Variants in RBM20 observed in about 807,000 individuals in gnomAD.
RBM20 encodes RNA-binding protein 20.
A neutral mutation model predicts 110.1 loss-of-function variants in RBM20; 51 were observed. The ratio of observed to expected loss-of-function variants is 0.46; its 90% CI spans 0.37 to 0.59. The LOEUF is 0.59. Among genes scored for constraint, RBM20 ranks in the 20% least tolerant of loss-of-function variants. The pLI is 0.00. For synonymous variants in RBM20, 589 were observed against 618.2 expected (o/e 0.95, Z 0.70); for missense variants, 1,512 against 1,574.9 (o/e 0.96, Z 0.68).
intron 1 of RBM20, among the ~76,000 whole-genome samples, chr10:110,679,144 G>C (rs886126677): frequency 1.3e-5 from 2 of 152,176 alleles, no homozygotes; most frequent in African/African-American, 2.4e-5. Flanking sequence ...TAGGATGAAG[G>C]CTGTATAAAG....
intron 9 of RBM20, among the ~76,000 whole-genome samples, chr10:110,816,317 C>T (rs1481127297): frequency 1.3e-5 from 2 of 150,240 alleles, no homozygotes; most frequent in Non-Finnish European, 3.0e-5. Context: ...CCTCACCTCC[C>T]CCGACACTAC....
chr10:110,725,989 C>T (rs1843556354), intron 1 of RBM20, among the ~76,000 whole-genome samples: 1 of 151,758 alleles, frequency 6.6e-6, no homozygotes, highest in African/African-American at 2.4e-5. Context: ...AGATGGACCC[C>T]ATCCCCATCT....
At position 110,838,133 on chromosome 10, in the gene RBM20, G is replaced by A. The variant is rs1422138439; in HGVS notation, c.*2155G>A. The A allele has an allele frequency of 6.6e-6, 1 of 152,274 alleles. No individual in the cohort carries two copies. The highest frequency in any genetic ancestry group is 2.4e-5 in the African/African-American group (1 of 41,538). 9.4% of individuals were successfully genotyped at this position (152,274 alleles called of 1,614,324 possible). A position where few individuals can be genotyped will look rare whatever the true frequency, so the allele number is the denominator to read the frequency against. ...ATGACCAGTCTGGTTTTTGTTCTTT[G>A]TGTCTGCTTTCCTCAGCCCTTTTCT... On this transcript the variant is annotated 3_prime_UTR_variant, in exon 14 of 14. Coordinates refer to ENST00000369519, the MANE Select transcript of RBM20 (RefSeq NM_001134363.3).
chr10:110,770,544 C>A (rs12263955), intron 1 of RBM20, among the ~76,000 whole-genome samples: 3,527 of 152,264 alleles, frequency 0.023, 139 homozygotes, highest in African/African-American at 0.08. Flanking sequence ...TCTTCCTCCC[C>A]CACTGGCCCA....
At chr10:110,829,644 G>T (rs2031128) in intron 12 of RBM20, among the ~76,000 whole-genome samples, 14,467 of 152,108 alleles carry the variant, frequency 0.095, 956 homozygotes, top group Non-Finnish European at 0.15. Flanking sequence ...GACAAGTCTA[G>T]GCTGCTTCCT....
chr10:110,797,603 C>T lies in RBM20; in HGVS notation c.1623C>T (p.Pro541=). ...TENDVINLGL[P]FGKVTNYILM... is the part of the protein sequence containing the mutation. ...ATGACGTCATTAACCTGGGGCTGCC[C>T]TTTGGAAAGGTCACTAATTACATCC... The change falls in exon 6 of 14, where the codon CCC becomes CCT. Residue 541 remains proline, a synonymous_variant. Transcript: ENST00000369519. The T allele has an allele frequency of 6.4e-7, 1 of 1,551,744 alleles. No individual in the cohort carries two copies. The highest frequency in any genetic ancestry group is 2.4e-5 in the East Asian group (1 of 40,918).
intron 1 of RBM20, among the ~76,000 whole-genome samples, chr10:110,653,730 A>AT (rs1564806512): frequency 6.6e-6 from 1 of 151,824 alleles, no homozygotes; most frequent in Non-Finnish European, 1.5e-5. Context: ...TAATTTTTGT[A>AT]TTTTTTGTAG....
At chr10:110,767,166 AC>A (rs1156789977) in intron 1 of RBM20, among the ~76,000 whole-genome samples, 7 of 57,512 alleles carry the variant, frequency 1.2e-4, no homozygotes, top group South Asian at 6.5e-4. Flanking sequence ...CGGGGGGCTG[AC>A]CCCCCCCACC....
chr10:110,656,099 G>A (rs535022044), intron 1 of RBM20, among the ~76,000 whole-genome samples: 5 of 152,132 alleles, frequency 3.3e-5, no homozygotes, highest in Admixed American at 3.3e-4. Context: ...TCAGGAGTTC[G>A]AGACCAGCCT....
At chr10:110,668,470 G>T (rs1324492483) in intron 1 of RBM20, among the ~76,000 whole-genome samples, 1 of 152,116 alleles carries the variant, frequency 6.6e-6, no homozygotes, top group African/African-American at 2.4e-5. Context: ...TTTCTAGGGG[G>T]CTCCAATTTA....
chr10:110,653,775 C>T (rs983815435), intron 1 of RBM20, among the ~76,000 whole-genome samples: 3 of 152,160 alleles, frequency 2.0e-5, no homozygotes, highest in South Asian at 4.1e-4. Context: ...AGGTTGGTCT[C>T]GAACTCCTGG....
In RBM20 at chr10:110,821,845, G is replaced by T. The variant is rs780673583; in HGVS notation, c.3226G>T (p.Ala1076Ser). 40 of 1,551,638 alleles carry T rather than the reference G, an allele frequency of 2.6e-5. No homozygotes were observed. The highest frequency in any genetic ancestry group is 3.9e-5 in the Admixed American group (2 of 50,990). ...CKTRGTPEDG[A>S]CEGSPLEEKA... is the part of the protein sequence containing the mutation. ...GACCAGGGGGACCCCCGAAGATGGGGCTTGTGAAGGCAGCCCCCTGGAGGA... is the reference window on the plus strand; with the variant it reads ...GACCAGGGGGACCCCCGAAGATGGGTCTTGTGAAGGCAGCCCCCTGGAGGA... The change falls in exon 11 of 14, where the codon GCT becomes TCT. Residue 1076 changes from alanine (A) to serine (S), a missense_variant. Transcript: ENST00000369519.
intron 1 of RBM20, among the ~76,000 whole-genome samples, chr10:110,752,730 C>A (rs2134988243): frequency 1.3e-5 from 2 of 152,086 alleles, no homozygotes; most frequent in Middle Eastern, 6.8e-3. Context: ...ATCACTGGGT[C>A]AATAAATGGG....
At chr10:110,787,812 G>A (rs772839366) in intron 5 of RBM20, among the ~76,000 whole-genome samples, 1 of 152,138 alleles carries the variant, frequency 6.6e-6, no homozygotes, top group Admixed American at 6.5e-5. Context: ...AGCTCTCTGC[G>A]AGGAGCTAGG....
chr10:110,823,335 G>C, intron 11 of RBM20, 145 bp from the exon 12 acceptor site: 1 of 1,055,630 alleles, frequency 9.5e-7, no homozygotes, highest in Non-Finnish European at 1.3e-6. Context: ...AGCAACCATT[G>C]CCCCAGCCTT....
intron 1 of RBM20, among the ~76,000 whole-genome samples, chr10:110,715,234 T>C (rs1862997502): frequency 6.6e-6 from 1 of 152,120 alleles, no homozygotes; most frequent in South Asian, 2.1e-4. Context: ...TGCGACACAG[T>C]GAGACTCTGT....
chr10:110,722,758 T>A (rs1018509031), intron 1 of RBM20, among the ~76,000 whole-genome samples: 13 of 152,282 alleles, frequency 8.5e-5, no homozygotes, highest in Admixed American at 5.2e-4. Context: ...ACTAATTACA[T>A]CTCTGATACC....
intron 9 of RBM20, among the ~76,000 whole-genome samples, chr10:110,816,277 T>G (rs980972576): frequency 2.7e-5 from 4 of 150,508 alleles, no homozygotes; most frequent in African/African-American, 9.8e-5. Context: ...CTCCCACCAC[T>G]GCAAACCATC....
chr10:110,684,210 C>A (rs1018266487), intron 1 of RBM20, among the ~76,000 whole-genome samples: 2 of 152,098 alleles, frequency 1.3e-5, no homozygotes, highest in African/African-American at 2.4e-5. Context: ...GCCTGGCCAG[C>A]ATGATGAAAC....
Sources: gnomAD v4.1 joint callset for allele counts (sites outside exome capture counted in the v4.1 genomes callset) on GRCh38, gnomAD v4.1.1 for gene constraint, MANE v1.5 for transcripts, NCBI Gene and HGNC (gene_info 2026-07-23, HGNC 2026-07-21) for gene names.